Variants in TLE1 observed in about 807,000 individuals in gnomAD.
TLE1 encodes the protein transducin-like enhancer protein 1.
In TLE1, 21 loss-of-function variants were observed where a neutral mutation model predicts 89.8. The ratio of observed to expected loss-of-function variants is 0.23; its 90% CI spans 0.17 to 0.34. The LOEUF (loss-of-function observed/expected upper bound fraction) is 0.34, where lower values mean the gene tolerates loss of function less well. Among genes scored for constraint, TLE1 ranks in the 10% least tolerant of loss-of-function variants. The pLI is 1.00. For missense variants in TLE1, 795 were observed against 1,031.2 expected, an observed-to-expected ratio of 0.77 and a Z score of 3.14; for synonymous variants, 447 against 407.6, an observed-to-expected ratio of 1.10 and a Z score of -1.16.
rs1313011893 is a variant in TLE1, at chr9:81,616,132, G to A, written c.768C>T (p.Asp256=). ...DNLVVDVSNE[D]PSSPRASPAH... Reference sequence around the variant, plus strand: ...CAGGGCTTGCTCGCGGAGAAGAAGGGTCCTCAACAAGCATAATCAAAAGTT... The same window carrying A: ...CAGGGCTTGCTCGCGGAGAAGAAGGATCCTCAACAAGCATAATCAAAAGTT... The change falls in exon 11 of 20, where the codon GAC becomes GAT. Residue 256 remains aspartate, a splice_region_variant and synonymous_variant. Transcript: ENST00000376499. 1.9e-6 allele frequency: 3 copies of A among 1,604,170 alleles called. No individual in the cohort carries two copies. The highest frequency in any genetic ancestry group is 1.8e-5 in the Admixed American group (1 of 56,488).
At chr9:81,652,106 T>TATAC in intron 6 of TLE1, 108 bp downstream of exon 6, 3 of 695,124 alleles carry the variant, frequency 4.3e-6, no homozygotes, top group South Asian at 2.4e-5. Context: ...AACGTTAAGA[T>TATAC]ACACACACAC....
At chr9:81,611,658 C>T in intron 13 of TLE1, 111 bp downstream of exon 13, 1 of 1,088,910 alleles carries the variant, frequency 9.2e-7, no homozygotes, top group Non-Finnish European at 1.2e-6. Flanking sequence ...GTGTGTGGGG[C>T]TGGCTGCTCC....
At chr9:81,663,360 T>A (rs1055867969) in intron 4 of TLE1, among the ~76,000 whole-genome samples, 25 of 141,426 alleles carry the variant, frequency 1.8e-4, no homozygotes, top group Non-Finnish European at 2.6e-4. Context: ...AGAAGCCACA[T>A]ATTCCCTGTC....
intron 8 of TLE1, chr9:81,620,862 GT>G: frequency 1.2e-6 from 1 of 811,824 alleles, no homozygotes; most frequent in Non-Finnish European, 1.9e-6. Context: ...ATGTGGATGT[GT>G]TTTTATTCTT....
chr9:81,591,743 C>T (rs772355339), intron 15 of TLE1, among the ~76,000 whole-genome samples: 2 of 152,134 alleles, frequency 1.3e-5, no homozygotes, highest in Non-Finnish European at 1.5e-5. Flanking sequence ...ACAAAGGATA[C>T]TCCTACTGCT....
Position 81,585,436 on chromosome 9 carries a change from A to G in TLE1, c.2128+69T>C, listed in dbSNP as rs970367007. 6.4e-5 allele frequency: 100 copies of G among 1,569,290 alleles called. No individual in the cohort carries two copies. In the African/African-American group the frequency reaches 1.2e-3, roughly 19 times the overall value. ...TTTTTTCCAGATTATGATCTCTACC[A>G]TATTTTTTTAAGAAGCATTTTCCAT... On this transcript the variant is annotated intron_variant, in intron 18 of 19. Coordinates refer to ENST00000376499, the MANE Select transcript of TLE1 (RefSeq NM_005077.5).
chr9:81,671,891 TCCAATCTC>T (rs897521581), intron 4 of TLE1, among the ~76,000 whole-genome samples: 53 of 152,294 alleles, frequency 3.5e-4, no homozygotes, highest in Non-Finnish European at 5.9e-4. Context: ...ATGGTCCAAT[TCCAATCTC>T]CTCAGTAGCT....
intron 8 of TLE1, among the ~76,000 whole-genome samples, chr9:81,624,462 A>G (rs1225246516): frequency 6.6e-6 from 1 of 152,200 alleles, no homozygotes; most frequent in African/African-American, 2.4e-5. Context: ...ACCTCTTCCT[A>G]GAGTCTATAC....
chr9:81,610,147 G>C, intron 14 of TLE1, 73 bp downstream of exon 14: 3 of 1,355,932 alleles, frequency 2.2e-6, no homozygotes, highest in South Asian at 2.5e-5. Context: ...ACTCCCTTTG[G>C]AATTCTAGTC....
At chr9:81,685,782 C>A in intron 3 of TLE1, 51 bp downstream of exon 3, 3 of 1,611,942 alleles carry the variant, frequency 1.9e-6, no homozygotes, top group Non-Finnish European at 2.5e-6. Flanking sequence ...TCTGCTAACA[C>A]GTTTGCTAAT....
In TLE1 at chr9:81,587,687, G is replaced by C. The variant is rs1828724886; in HGVS notation, c.1971C>G (p.Thr657=). 2 of 1,611,422 alleles carry C rather than the reference G, an allele frequency of 1.2e-6. No homozygotes were observed. The highest frequency in any genetic ancestry group is 2.7e-5 in the African/African-American group (2 of 74,894). ...GCGGAAGCCACTCAGTCACCTGGGAGGTGAAGTCGTGCTGCTGCAGCTGCC... is the reference window on the plus strand; with the variant it reads ...GCGGAAGCCACTCAGTCACCTGGGACGTGAAGTCGTGCTGCTGCAGCTGCC... ...EGRQLQQHDF[T]SQIFSLGYCP... Residue 657 remains threonine, a synonymous_variant, in exon 17 of 20, where the codon ACC becomes ACG. Coordinates refer to ENST00000376499, the MANE Select transcript of TLE1 (RefSeq NM_005077.5).
chr9:81,672,506 C>A (rs12002982), intron 4 of TLE1, among the ~76,000 whole-genome samples: 3,897 of 150,668 alleles, frequency 0.026, 165 homozygotes, highest in African/African-American at 0.085. Context: ...ACATCAGCAG[C>A]AGCTGTGAAC....
chr9:81,660,368 T>C (rs980641839), intron 4 of TLE1, among the ~76,000 whole-genome samples: 2 of 151,548 alleles, frequency 1.3e-5, no homozygotes, highest in African/African-American at 2.4e-5. Flanking sequence ...AATCATACGT[T>C]GGTAAGTATA....
intron 6 of TLE1, among the ~76,000 whole-genome samples, chr9:81,649,766 G>A (rs1213855710): frequency 5.3e-5 from 8 of 152,070 alleles, no homozygotes; most frequent in Non-Finnish European, 1.0e-4. Flanking sequence ...CTCCCCTCTG[G>A]GGAGACAGGT....
chr9:81,604,795 C>T (rs1367380428), intron 14 of TLE1, among the ~76,000 whole-genome samples: 1 of 152,180 alleles, frequency 6.6e-6, no homozygotes, highest in Non-Finnish European at 1.5e-5. Flanking sequence ...CAAGCTCTCT[C>T]TCTGTGCACG....
At chr9:81,675,001 T>C (rs1307087974) in intron 4 of TLE1, among the ~76,000 whole-genome samples, 1 of 151,886 alleles carries the variant, frequency 6.6e-6, no homozygotes, top group Non-Finnish European at 1.5e-5. Context: ...CTGAAAAAAA[T>C]CAAAAAATAA....
chr9:81,644,181 G>C (rs749573127), intron 6 of TLE1, among the ~76,000 whole-genome samples: 1 of 152,110 alleles, frequency 6.6e-6, no homozygotes, highest in Non-Finnish European at 1.5e-5. Flanking sequence ...AAACAGTCTG[G>C]CTGTTGCTCA....
At chr9:81,638,685 C>T (rs1429580304) in intron 6 of TLE1, among the ~76,000 whole-genome samples, 4 of 151,992 alleles carry the variant, frequency 2.6e-5, no homozygotes, top group Non-Finnish European at 4.4e-5. Context: ...AATACAGTGG[C>T]GCAATCTTGG....
chr9:81,594,192 T>C (rs1207791976), intron 14 of TLE1, among the ~76,000 whole-genome samples: 3 of 152,188 alleles, frequency 2.0e-5, no homozygotes, highest in Non-Finnish European at 4.4e-5. Context: ...AAGAGCAAGA[T>C]GACTGGTGCT....
Sources: gnomAD v4.1 joint callset for allele counts (sites outside exome capture counted in the v4.1 genomes callset) on GRCh38, gnomAD v4.1.1 for gene constraint, MANE v1.5 for transcripts, NCBI Gene and HGNC (gene_info 2026-07-23, HGNC 2026-07-21) for gene names.